The following OTUD7A variants were observed in gnomAD, a reference collection of about 807,000 sequenced individuals.
OTUD7A encodes OTU domain-containing protein 7A.
A neutral mutation model predicts 65.7 loss-of-function variants in OTUD7A; 12 were observed. That is an observed-to-expected ratio of 0.18 (90% CI 0.12 to 0.30). OTUD7A has a LOEUF of 0.30. OTUD7A is among the 10% of genes least tolerant of loss of function. The pLI, the probability that OTUD7A is intolerant of heterozygous loss-of-function variation, is 1.00. For missense variants in OTUD7A, 1,148 were observed against 1,304.8 expected (o/e 0.88, Z 1.85); for synonymous variants, 641 against 586.3 (o/e 1.09, Z -1.35).
intron 3 of OTUD7A, among the ~76,000 whole-genome samples, chr15:31,592,185 C>T (rs1361044002): frequency 6.6e-6 from 1 of 152,152 alleles, no homozygotes; most frequent in Non-Finnish European, 1.5e-5. Context: ...AAACACTGTA[C>T]AAGTAGGCTA....
chr15:31,809,386 T>C (rs1018983665), intron 1 of OTUD7A, among the ~76,000 whole-genome samples: 13 of 152,216 alleles, frequency 8.5e-5, no homozygotes, highest in African/African-American at 2.9e-4. Context: ...GGTGGGTTAC[T>C]GCGTCTAGCG....
In OTUD7A at chr15:31,847,849, G is replaced by A. The variant is rs140198526; in HGVS notation, c.-100+22658C>T. ...TGAAAGACCAAGGATAAGCAAGCGCGTCTTACCACATTGGAGCAGGAGAGA... is the reference window on the plus strand; with the variant it reads ...TGAAAGACCAAGGATAAGCAAGCGCATCTTACCACATTGGAGCAGGAGAGA... On this transcript the variant is annotated intron_variant, in intron 1 of 12. Coordinates refer to ENST00000307050, the MANE Select transcript of OTUD7A (RefSeq NM_001382637.1). Among the ~76,000 whole-genome samples the A allele has an allele frequency of 1.3e-4, 20 of 152,248 alleles. 1 individual carries two copies. The East Asian group carries it at 3.3e-3, about 25-fold the overall frequency.
At chr15:31,755,970 C>G (rs181731069) in intron 1 of OTUD7A, among the ~76,000 whole-genome samples, 1 of 152,180 alleles carries the variant, frequency 6.6e-6, no homozygotes, top group African/African-American at 2.4e-5. Context: ...CTTAAGCCTT[C>G]TGCAAAGGCG....
At chr15:31,797,218 C>T (rs1009983568) in intron 1 of OTUD7A, among the ~76,000 whole-genome samples, 2 of 152,204 alleles carry the variant, frequency 1.3e-5, no homozygotes, top group African/African-American at 2.4e-5. Context: ...TGATTCTAAA[C>T]TGCCAACCCT....
intron 1 of OTUD7A, among the ~76,000 whole-genome samples, chr15:31,828,990 T>C (rs1896866142): frequency 6.6e-6 from 1 of 152,198 alleles, no homozygotes; most frequent in Non-Finnish European, 1.5e-5. Flanking sequence ...CTCATGCTCA[T>C]TTCCTTTTGC....
chr15:31,509,121 TAA>T (rs2041633621), intron 8 of OTUD7A, among the ~76,000 whole-genome samples: 1 of 152,176 alleles, frequency 6.6e-6, no homozygotes, highest in African/African-American at 2.4e-5. Flanking sequence ...ATAGACTTTT[TAA>T]AACTTTTTAT....
intron 1 of OTUD7A, among the ~76,000 whole-genome samples, chr15:31,830,233 G>T (rs963579346): frequency 6.6e-6 from 1 of 152,118 alleles, no homozygotes; most frequent in African/African-American, 2.4e-5. Context: ...GATTTTAAAC[G>T]TTCTGTTCAT....
At chr15:31,584,108 T>C (rs747310122) in intron 3 of OTUD7A, among the ~76,000 whole-genome samples, 2 of 152,198 alleles carry the variant, frequency 1.3e-5, no homozygotes, top group African/African-American at 4.8e-5. Flanking sequence ...TGACCCTTCA[T>C]GACTTATCTA....
In OTUD7A at chr15:31,857,017, A is replaced by G. The variant is rs568179424; in HGVS notation, c.-100+13490T>C. 3.9e-5 allele frequency among the ~76,000 whole-genome samples: 6 copies of G among 152,288 alleles called. No individual in the cohort carries two copies. The East Asian group carries it at 9.7e-4, about 25-fold the overall frequency. ...CCATCCCTCTGTTGTCCTCACAAAA[A>G]TAATCCTACAAGAACAATCCTGAAA... On this transcript the variant is annotated intron_variant, in intron 1 of 12. Coordinates refer to ENST00000307050, the MANE Select transcript of OTUD7A (RefSeq NM_001382637.1).
chr15:31,864,542 T>C (rs1454525042), intron 1 of OTUD7A, among the ~76,000 whole-genome samples: 1 of 152,114 alleles, frequency 6.6e-6, no homozygotes, highest in Non-Finnish European at 1.5e-5. Flanking sequence ...GTGAGACTTA[T>C]TCACTATCAC....
At chr15:31,631,830 T>C (rs1428735801) in intron 3 of OTUD7A, among the ~76,000 whole-genome samples, 1 of 152,228 alleles carries the variant, frequency 6.6e-6, no homozygotes, top group East Asian at 1.9e-4. Flanking sequence ...TCGCTTCATT[T>C]CATTCATTTC....
chr15:31,494,387 C>T (rs1174648335), intron 10 of OTUD7A, among the ~76,000 whole-genome samples: 4 of 152,140 alleles, frequency 2.6e-5, no homozygotes, highest in Non-Finnish European at 5.9e-5. Context: ...GACACCCTTA[C>T]CAGACTCCAA....
intron 1 of OTUD7A, among the ~76,000 whole-genome samples, chr15:31,723,400 C>T (rs1484669878): frequency 8.2e-6 from 1 of 122,324 alleles, no homozygotes; most frequent in African/African-American, 3.2e-5. Context: ...CGCCACCCCC[C>T]CCCCCCCGCC....
chr15:31,560,818 C>T (rs1394515823), intron 4 of OTUD7A, among the ~76,000 whole-genome samples: 1 of 152,220 alleles, frequency 6.6e-6, no homozygotes, highest in Non-Finnish European at 1.5e-5. Flanking sequence ...TCCTGCAATG[C>T]CCCTCTGAGG....
intron 1 of OTUD7A, among the ~76,000 whole-genome samples, chr15:31,778,310 G>A (rs942074683): frequency 2.9e-4 from 44 of 152,276 alleles, no homozygotes; most frequent in African/African-American, 1.0e-3. Flanking sequence ...CATGGAGAGA[G>A]ACAACAGGTG....
At chr15:31,616,113 C>T (rs1274215759) in intron 3 of OTUD7A, among the ~76,000 whole-genome samples, 1 of 152,222 alleles carries the variant, frequency 6.6e-6, no homozygotes, top group African/African-American at 2.4e-5. Flanking sequence ...AACAGGCTCC[C>T]CAGCAATGGG....
intron 1 of OTUD7A, among the ~76,000 whole-genome samples, chr15:31,796,142 C>CGTGTGTGTGTGTGTGT (rs145581747): frequency 0.029 from 4,360 of 148,080 alleles, 148 homozygotes; most frequent in African/African-American, 0.079. Flanking sequence ...GTAAGGGGTG[C>CGTGTGTGTGTGTGTGT]GTGTGTGTGT....
intron 1 of OTUD7A, among the ~76,000 whole-genome samples, chr15:31,693,311 G>A (rs1408346502): frequency 2.6e-5 from 4 of 152,192 alleles, no homozygotes; most frequent in Non-Finnish European, 5.9e-5. Context: ...GTAAAGATCT[G>A]GAAGGCTGAA....
At chr15:31,853,152 T>C (rs1482482605) in intron 1 of OTUD7A, among the ~76,000 whole-genome samples, 1 of 152,244 alleles carries the variant, frequency 6.6e-6, no homozygotes, top group African/African-American at 2.4e-5. Context: ...ACAAAAACTC[T>C]TCTTGGAAAA....
Sources: allele counts gnomAD v4.1 joint callset (sites outside exome capture counted in the v4.1 genomes callset), GRCh38; gene constraint gnomAD v4.1.1; transcripts MANE v1.5; gene names NCBI Gene and HGNC (gene_info 2026-07-23, HGNC 2026-07-21).